SLC4A5: variants seen among roughly 807,000 people sequenced by gnomAD.
SLC4A5 encodes the protein solute carrier family 4 member 5, also known as electrogenic sodium bicarbonate cotransporter 4.
In SLC4A5, 96 loss-of-function variants were observed where a neutral mutation model predicts 120.4. That is an observed-to-expected ratio of 0.80 (90% CI 0.68 to 0.94). The LOEUF is 0.94. SLC4A5 is among the 40% of genes least tolerant of loss of function. SLC4A5 has a pLI of 0.00. For synonymous variants in SLC4A5, 550 were observed against 571.1 expected (o/e 0.96, Z 0.53); for missense variants, 1,259 against 1,459.5 (o/e 0.86, Z 2.24).
intron 8 of SLC4A5, among the ~76,000 whole-genome samples, chr2:74,284,976 G>C (rs1449174763): frequency 6.6e-6 from 1 of 151,970 alleles, no homozygotes; most frequent in African/African-American, 2.4e-5. Flanking sequence ...AGAAGCCCTC[G>C]CTGTCTACCC....
intron 8 of SLC4A5, among the ~76,000 whole-genome samples, chr2:74,270,860 C>G (rs557068072): frequency 6.6e-6 from 1 of 152,128 alleles, no homozygotes; most frequent in Admixed American, 6.5e-5. Flanking sequence ...CGCAGGCAAA[C>G]GTAGCTCACA....
At chr2:74,265,231 G>A (rs757241664) in exon 9 of SLC4A5, 12 of 1,614,018 alleles carry the variant, frequency 7.4e-6, no homozygotes, top group South Asian at 5.5e-5. Flanking sequence ...AGCGTTCGCC[G>A]CCTTCCTCTA....
At position 74,256,668 on chromosome 2, in the gene SLC4A5, ACT is replaced by A. The variant is rs561756315; in HGVS notation, c.868-738_868-737del. ...AAGCCCTCCACCCAAATGTATTCCC[ACT>A]CTCTGCGTTTATAACTTCCTGAGTC... On this transcript the variant is annotated intron_variant, in intron 12 of 30. Transcript: ENST00000394019. Among the ~76,000 whole-genome samples the A allele has an allele frequency of 1.4e-3, 211 of 151,866 alleles. 2 individuals are homozygous for A. The highest frequency in any genetic ancestry group is 5.0e-3 in the African/African-American group (206 of 41,402).
intron 5 of SLC4A5, among the ~76,000 whole-genome samples, chr2:74,317,131 C>T (rs1672989310): frequency 6.6e-6 from 1 of 152,190 alleles, no homozygotes; most frequent in South Asian, 2.1e-4. Flanking sequence ...TCCCCTCCTC[C>T]TTCGAAGTGC....
At chr2:74,301,489 A>G (rs1043061975) in intron 7 of SLC4A5, among the ~76,000 whole-genome samples, 8 of 152,226 alleles carry the variant, frequency 5.3e-5, no homozygotes, top group African/African-American at 1.9e-4. Context: ...CAGCCAGACC[A>G]GCTGGGCCCC....
chr2:74,327,947 A>G (rs371257999), intron 5 of SLC4A5, among the ~76,000 whole-genome samples, 173 bp downstream of exon 5: 1 of 152,346 alleles, frequency 6.6e-6, no homozygotes, highest in East Asian at 1.9e-4. Flanking sequence ...TTTTTAAAGG[A>G]AAACCAAATA....
chr2:74,302,991 C>T (rs1048320253), intron 7 of SLC4A5, among the ~76,000 whole-genome samples: 12 of 151,690 alleles, frequency 7.9e-5, no homozygotes, highest in African/African-American at 2.2e-4. Flanking sequence ...CTCTTGGTCT[C>T]TGATGTTCCC....
At chr2:74,229,767 G>A (rs971669605) in intron 25 of SLC4A5, among the ~76,000 whole-genome samples, 9 of 152,200 alleles carry the variant, frequency 5.9e-5, no homozygotes, top group African/African-American at 2.2e-4. Flanking sequence ...CCTACTTACT[G>A]CTCGGGTATG....
chr2:74,231,752 A>G (rs1025487605), intron 24 of SLC4A5, among the ~76,000 whole-genome samples: 1 of 152,222 alleles, frequency 6.6e-6, no homozygotes, highest in East Asian at 1.9e-4. Context: ...TGTGGGGCAC[A>G]ATGAATGAGG....
intron 4 of SLC4A5, 108 bp from the exon 5 acceptor site, chr2:74,328,294 G>A (rs191051868): frequency 1.9e-4 from 110 of 580,376 alleles, no homozygotes; most frequent in African/African-American, 1.9e-3. Flanking sequence ...TGACCAAGGT[G>A]GGGGGAGGGA....
chr2:74,317,949 A>T (rs1673007027), intron 5 of SLC4A5, among the ~76,000 whole-genome samples: 1 of 152,268 alleles, frequency 6.6e-6, no homozygotes, highest in African/African-American at 2.4e-5. Context: ...GACAGATACC[A>T]AAACAAACAG....
chr2:74,276,664 A>G (rs940335861), intron 8 of SLC4A5, among the ~76,000 whole-genome samples: 8 of 152,222 alleles, frequency 5.3e-5, no homozygotes, highest in Non-Finnish European at 7.3e-5. Flanking sequence ...CGTTAAGTGT[A>G]TATCTTCATT....
chr2:74,275,717 C>T lies in SLC4A5; in HGVS notation c.401+10056G>A, dbSNP rs1464744181. Among the ~76,000 whole-genome samples, 4 of 152,264 alleles carry T rather than the reference C, an allele frequency of 2.6e-5. No individual in the cohort carries two copies. The East Asian group carries it at 7.7e-4, about 29-fold the overall frequency. ...TTCCTAATCACGACAACAGCTAAAGCTTACTGAGGGCTTTCTATGTGCCAG... is the reference window on the plus strand; with the variant it reads ...TTCCTAATCACGACAACAGCTAAAGTTTACTGAGGGCTTTCTATGTGCCAG... On this transcript the variant is annotated intron_variant, in intron 8 of 30. Transcript: ENST00000394019.
At chr2:74,284,163 T>TAATGAAAGAAA (rs1558894422) in intron 8 of SLC4A5, among the ~76,000 whole-genome samples, 4 of 94,694 alleles carry the variant, frequency 4.2e-5, no homozygotes, top group African/African-American at 1.2e-4. Flanking sequence ...TCCTTATTTC[T>TAATGAAAGAAA]TTTTTTTTTT....
intron 7 of SLC4A5, among the ~76,000 whole-genome samples, chr2:74,303,635 A>G (rs894112868): frequency 6.6e-6 from 1 of 152,176 alleles, no homozygotes; most frequent in Non-Finnish European, 1.5e-5. Context: ...TAATTAGCCC[A>G]GAACTATTTT....
intron 2 of SLC4A5, among the ~76,000 whole-genome samples, chr2:74,341,044 C>CAGTGG (rs1330937418): frequency 3.3e-5 from 5 of 152,306 alleles, no homozygotes; most frequent in Non-Finnish European, 7.4e-5. Flanking sequence ...GTGGCTCACG[C>CAGTGG]CTGTAATCTC....
exon 17 of SLC4A5, chr2:74,250,410 TAGA>T: frequency 6.2e-7 from 1 of 1,613,782 alleles, no homozygotes; most frequent in Non-Finnish European, 8.5e-7. Context: ...ACAGCCGAGG[TAGA>T]TGAATAGGAT....
At chr2:74,342,263 C>G (rs1035287333) in intron 2 of SLC4A5, among the ~76,000 whole-genome samples, 195 bp downstream of exon 2, 1 of 152,236 alleles carries the variant, frequency 6.6e-6, no homozygotes, top group Non-Finnish European at 1.5e-5. Flanking sequence ...ACCATCCCTA[C>G]TTCTAGTGCA....
chr2:74,335,075 AG>A (rs1276852080), intron 3 of SLC4A5, among the ~76,000 whole-genome samples: 3 of 152,138 alleles, frequency 2.0e-5, no homozygotes, highest in Non-Finnish European at 4.4e-5. Context: ...GAGCTGATTC[AG>A]GGACGCCACA....
Sources: gnomAD v4.1 joint callset for allele counts (sites outside exome capture counted in the v4.1 genomes callset) on GRCh38, gnomAD v4.1.1 for gene constraint, MANE v1.5 for transcripts, NCBI Gene and HGNC (gene_info 2026-07-23, HGNC 2026-07-21) for gene names.